The following PTER variants were observed in gnomAD, a reference collection of about 807,000 sequenced individuals.
PTER encodes the protein N-acetyltaurine hydrolase.
In PTER, 38 loss-of-function variants were observed where a neutral mutation model predicts 29.6. The ratio of observed to expected loss-of-function variants is 1.28; its 90% CI spans 0.99 to 1.68. The LOEUF (loss-of-function observed/expected upper bound fraction) is 1.68. Among genes scored for constraint, PTER ranks in the 40% most tolerant of loss-of-function variants. The probability of loss-of-function intolerance (pLI) is 0.00; values close to 1 mark genes in which losing one functional copy is unlikely to be tolerated. For missense variants in PTER, 482 were observed against 427.8 expected, an observed-to-expected ratio of 1.13 and a Z score of -1.12; for synonymous variants, 172 against 154.5, an observed-to-expected ratio of 1.11 and a Z score of -0.84.
intron 1 of PTER, among the ~76,000 whole-genome samples, chr10:16,453,133 C>G (rs1421526957): frequency 6.6e-6 from 1 of 152,120 alleles, no homozygotes; most frequent in East Asian, 1.9e-4. Context: ...CCAGGCTGAT[C>G]TTGAATTCCT....
intron 4 of PTER, among the ~76,000 whole-genome samples, chr10:16,506,051 T>G (rs971793800): frequency 1.3e-5 from 2 of 152,094 alleles, no homozygotes; most frequent in African/African-American, 4.8e-5. Flanking sequence ...AGATATATAT[T>G]CTTATGGAAG....
At chr10:16,507,101 A>G (rs553111652) in intron 4 of PTER, among the ~76,000 whole-genome samples, 17 of 151,708 alleles carry the variant, frequency 1.1e-4, no homozygotes, top group Admixed American at 2.6e-4. Context: ...CATGGGATCC[A>G]AGTTGGAGGG....
At chr10:16,474,327 A>C (rs145641307) in intron 1 of PTER, among the ~76,000 whole-genome samples, 1 of 152,246 alleles carries the variant, frequency 6.6e-6, no homozygotes. Flanking sequence ...TCAAGAAAAG[A>C]ATGTCATCTC....
At chr10:16,494,969 T>G (rs1473889877) in intron 3 of PTER, among the ~76,000 whole-genome samples, 1 of 152,080 alleles carries the variant, frequency 6.6e-6, no homozygotes, top group African/African-American at 2.4e-5. Context: ...GTAATTTGCT[T>G]TTTTTAAATA....
chr10:16,491,940 G>GCACACA (rs112397289), intron 3 of PTER, among the ~76,000 whole-genome samples: 1 of 151,168 alleles, frequency 6.6e-6, no homozygotes, highest in South Asian at 2.1e-4. Flanking sequence ...TTGTATGGGT[G>GCACACA]CACACACACA....
intron 1 of PTER, among the ~76,000 whole-genome samples, chr10:16,438,828 C>T (rs12414572): frequency 0.048 from 7,117 of 147,886 alleles, 264 homozygotes; most frequent in East Asian, 0.18. Flanking sequence ...GGCTGAGGCA[C>T]GAGAATTGCT....
chr10:16,473,242 C>T (rs1460498160), intron 1 of PTER, among the ~76,000 whole-genome samples: 1 of 151,832 alleles, frequency 6.6e-6, no homozygotes, highest in African/African-American at 2.4e-5. Context: ...TTCTGCCCAC[C>T]CCACCTCTAA....
chr10:16,486,832 G>C, intron 3 of PTER: 1 of 531,538 alleles, frequency 1.9e-6, no homozygotes, highest in Non-Finnish European at 3.3e-6. Flanking sequence ...AGTGTCCTAG[G>C]TATTTCACAT....
intron 3 of PTER, among the ~76,000 whole-genome samples, chr10:16,503,655 C>A (rs968665289): frequency 1.7e-4 from 26 of 152,220 alleles, no homozygotes; most frequent in African/African-American, 5.5e-4. Flanking sequence ...ATCCACCCAC[C>A]TCAGCCTCCC....
intron 1 of PTER, among the ~76,000 whole-genome samples, chr10:16,474,179 G>C (rs999928127): frequency 8.5e-5 from 13 of 152,126 alleles, no homozygotes; most frequent in African/African-American, 3.1e-4. Context: ...GGAGAAATTG[G>C]TAGGAATGGT....
rs201325307 is a variant in PTER at position 16,484,799 on chromosome 10, G to T, written c.415G>T (p.Ala139Ser). Residue 139 changes from alanine to serine, a missense_variant, in exon 2 of 5, where the codon GCC becomes TCC. By Grantham distance (99) the Ala-to-Ser change is moderately conservative. Transcript: ENST00000535784. ...TGCAACTCACTCCTCAGAGACCAGG[G>T]CCATGTCAGTGGAGCAGGTAAAAAG... Reference protein sequence around the residue: ...VDATHSSETRAMSVEQLTDVL... With the variant: ...VDATHSSETRSMSVEQLTDVL... 6.2e-7 allele frequency: 1 copy of T among 1,604,356 alleles called. No homozygotes were observed. Among genetic ancestry groups the T allele is most frequent in the South Asian group, 1.1e-5 (1 of 89,108 alleles).
At chr10:16,471,553 G>T (rs1564394987) in intron 1 of PTER, among the ~76,000 whole-genome samples, 2 of 152,260 alleles carry the variant, frequency 1.3e-5, no homozygotes, top group Middle Eastern at 3.4e-3. Flanking sequence ...TTTATGTGTA[G>T]ATACATACAC....
chr10:16,518,935 C>A, the PTER span, among the ~76,000 whole-genome samples: 2 of 151,990 alleles, frequency 1.3e-5, no homozygotes, highest in African/African-American at 4.8e-5. Flanking sequence ...TTGCCTATAA[C>A]TGTTTTACTG....
chr10:16,498,883 A>G lies in PTER; in HGVS notation c.699-6137A>G, dbSNP rs184866137. 3.3e-4 allele frequency among the ~76,000 whole-genome samples: 51 copies of G among 152,324 alleles called. No homozygotes were observed. The East Asian group carries it at 9.5e-3, about 28-fold the overall frequency. On this transcript the variant is annotated intron_variant, in intron 3 of 4. Transcript: ENST00000535784. ...CTGGAAGCCATCCAGCTGAATGTCA[A>G]TTTCACATGGGTAAGTCACCTTGTT...
At chr10:16,464,120 A>G (rs999177433) in intron 1 of PTER, among the ~76,000 whole-genome samples, 3 of 152,202 alleles carry the variant, frequency 2.0e-5, no homozygotes, top group Non-Finnish European at 4.4e-5. Flanking sequence ...TATGGCAGAT[A>G]ACACTTCTGA....
chr10:16,502,413 G>T (rs1836385895), intron 3 of PTER, among the ~76,000 whole-genome samples: 1 of 152,028 alleles, frequency 6.6e-6, no homozygotes. Flanking sequence ...GCAAAAGATG[G>T]TCTCCATGGT....
intron 3 of PTER, among the ~76,000 whole-genome samples, chr10:16,490,812 C>T (rs764219708): frequency 2.0e-5 from 3 of 151,404 alleles, no homozygotes; most frequent in Admixed American, 2.0e-4. Context: ...ATGCTTGGCA[C>T]AAATAGAAAA....
At chr10:16,460,137 G>A (rs1834558925) in intron 1 of PTER, among the ~76,000 whole-genome samples, 1 of 152,204 alleles carries the variant, frequency 6.6e-6, no homozygotes, top group Non-Finnish European at 1.5e-5. Flanking sequence ...TTAGGAAAAG[G>A]AAAGCACACT....
At chr10:16,460,065 C>T (rs1045198656) in intron 1 of PTER, among the ~76,000 whole-genome samples, 6 of 152,154 alleles carry the variant, frequency 3.9e-5, no homozygotes, top group South Asian at 2.1e-4. Flanking sequence ...ATATTTATTA[C>T]CCCTTCTTGC....
Sources: gnomAD v4.1 joint callset for allele counts (sites outside exome capture counted in the v4.1 genomes callset) on GRCh38, gnomAD v4.1.1 for gene constraint, MANE v1.5 for transcripts, NCBI Gene and HGNC (gene_info 2026-07-23, HGNC 2026-07-21) for gene names.